Variants in HSD3B1 observed in about 807,000 individuals in gnomAD.
The protein encoded by HSD3B1 is hydroxy-delta-5-steroid dehydrogenase, 3 beta- and steroid delta-isomerase 1.
Under a neutral mutation model 10.4 loss-of-function variants are expected in HSD3B1, and 11 were observed. The ratio of observed to expected loss-of-function variants is 1.05; its 90% confidence interval spans 0.66 to 1.75. The LOEUF (loss-of-function observed/expected upper bound fraction) is 1.75, where lower values mean the gene tolerates loss of function less well. Among genes scored for constraint, HSD3B1 ranks in the 40% most tolerant of loss-of-function variants. The pLI is 0.00. For missense variants in HSD3B1, 490 were observed against 454.5 expected (o/e 1.08, Z -0.71); for synonymous variants, 217 against 185.4 (o/e 1.17, Z -1.39).
Position 119,514,204 on chromosome 1 carries a change from C to T in HSD3B1, c.681C>T (p.Gly227=), listed in dbSNP as rs1430869587. The stretch of plus-strand genomic sequence containing the variant: ...CCACTGTTAACCCAGTCTATGTTGG[C>T]AATGTGGCCTGGGCCCACATTCTGG... ...KFSTVNPVYV[G]NVAWAHILAL... is the part of the protein sequence containing the mutation. Residue 227 remains glycine (G), a synonymous_variant, in exon 4 of 4, where the codon GGC becomes GGT. Transcript: ENST00000369413. The T allele has an allele frequency of 1.9e-6, 3 of 1,613,890 alleles. No homozygotes were observed. Among genetic ancestry groups the T allele is most frequent in the Non-Finnish European group, 2.5e-6 (3 of 1,179,786 alleles).
In HSD3B1 at chr1:119,514,683, G is replaced by C. The variant is rs1475988003; in HGVS notation, c.*38G>C. The C allele has an allele frequency of 4.4e-6, 7 of 1,603,914 alleles. No homozygotes were observed. The highest frequency in any genetic ancestry group is 5.1e-6 in the Non-Finnish European group (6 of 1,174,360). ...AGAGATGTGCATGTGGGTATTGTTA[G>C]GAGATGTCATCAAGCTCCACCCTCC... is the stretch of plus-strand genomic sequence containing the variant. On this transcript the variant is annotated 3_prime_UTR_variant, in exon 4 of 4. Transcript: ENST00000369413.
intron 2 of HSD3B1, among the ~76,000 whole-genome samples, chr1:119,509,039 T>C (rs1653868474): frequency 1.3e-5 from 2 of 152,202 alleles, no homozygotes; most frequent in Admixed American, 1.3e-4. Flanking sequence ...GGGATCTGTA[T>C]GAAGATAAAA....
At chr1:119,511,870 A>G in intron 3 of HSD3B1, 2 of 571,610 alleles carry the variant, frequency 3.5e-6, no homozygotes, top group Non-Finnish European at 3.1e-6. Context: ...AGGGCAAGTA[A>G]CTTGTCCAAG....
intron 2 of HSD3B1, among the ~76,000 whole-genome samples, chr1:119,509,914 G>T (rs921593005): frequency 6.6e-6 from 1 of 152,194 alleles, no homozygotes; most frequent in Non-Finnish European, 1.5e-5. Context: ...TGCACCTGGT[G>T]TACAGGGTAC....
At chr1:119,507,825 T>C in intron 2 of HSD3B1, 1 of 525,584 alleles carries the variant, frequency 1.9e-6, no homozygotes, top group East Asian at 3.6e-5. Context: ...AGAGACTAGA[T>C]TCTGGCCCTG....
chr1:119,510,521 C>T (rs1167161351), intron 2 of HSD3B1, among the ~76,000 whole-genome samples: 1 of 151,918 alleles, frequency 6.6e-6, no homozygotes. Context: ...ATATCTCTCC[C>T]CTCCTCTGCT....
chr1:119,508,384 C>A lies in HSD3B1; in HGVS notation c.145+763C>A, dbSNP rs1377417151. Among the ~76,000 whole-genome samples the A allele has an allele frequency of 7.6e-3, 1,103 of 144,660 alleles. 8 individuals carry two copies. The highest frequency in any genetic ancestry group is 0.012 in the Non-Finnish European group (809 of 66,428). The allele number at this position is 144,660 out of a possible 152,430, so 94.9% of individuals were successfully genotyped here. On this transcript the variant is annotated intron_variant, in intron 2 of 3. Coordinates refer to ENST00000369413, the MANE Select transcript of HSD3B1 (RefSeq NM_000862.3). ...TGGCTTTTTTTTAAAAAAAAAAAAA[C>A]AAAACATTTACCTCTGTTGCTCATC...
chr1:119,511,985 G>C, intron 3 of HSD3B1: 1 of 302,998 alleles, frequency 3.3e-6, no homozygotes, highest in South Asian at 4.3e-5. Flanking sequence ...TTCTACTGTG[G>C]TTCCAATCAA....
chr1:119,513,656 G>A (rs960728260), intron 3 of HSD3B1, among the ~76,000 whole-genome samples, 178 bp from the exon 4 acceptor site: 1 of 152,022 alleles, frequency 6.6e-6, no homozygotes, highest in Non-Finnish European at 1.5e-5. Context: ...CTTCATTTTG[G>A]TATTTTTCTT....
intron 2 of HSD3B1, among the ~76,000 whole-genome samples, chr1:119,509,792 A>G (rs1453188808): frequency 6.6e-6 from 1 of 152,168 alleles, no homozygotes; most frequent in African/African-American, 2.4e-5. Context: ...TTCACTCTGA[A>G]TTTTGCTCTC....
chr1:119,514,273 A>G lies in HSD3B1; in HGVS notation c.750A>G (p.Arg250=). The G allele has an allele frequency of 1.2e-6, 2 of 1,614,112 alleles. No homozygotes were observed. The highest frequency in any genetic ancestry group is 1.7e-6 in the Non-Finnish European group (2 of 1,180,018). Residue 250 remains arginine, a synonymous_variant, in exon 4 of 4, where the codon CGA becomes CGG. Coordinates refer to ENST00000369413, the MANE Select transcript of HSD3B1 (RefSeq NM_000862.3). ...LQDPKKAPSI[R]GQFYYISDDT... Reference sequence around the variant, plus strand: ...ACCCCAAGAAGGCCCCAAGCATCCGAGGACAGTTCTACTATATCTCAGATG... The same window carrying G: ...ACCCCAAGAAGGCCCCAAGCATCCGGGGACAGTTCTACTATATCTCAGATG...
rs1366172179 is a variant in HSD3B1 at position 119,514,732 on chromosome 1, G to A, written c.*87G>A. On this transcript the variant is annotated 3_prime_UTR_variant, in exon 4 of 4. Transcript: ENST00000369413. ...CCTGGCCTCATACAGAAAGTGACAA[G>A]GGCACAAGCTCAGGTCCTGCTGCCT... 6.9e-7 allele frequency: 1 copy of A among 1,452,146 alleles called. No homozygotes were observed. The highest frequency in any genetic ancestry group is 1.4e-5 in the African/African-American group (1 of 71,274). 90.0% of individuals were successfully genotyped at this position (1,452,146 alleles called of 1,614,324 possible). A position where few individuals can be genotyped will look rare whatever the true frequency, so the allele number is the denominator to read the frequency against.
chr1:119,509,945 C>T (rs587756818), intron 2 of HSD3B1, among the ~76,000 whole-genome samples: 14 of 152,282 alleles, frequency 9.2e-5, no homozygotes, highest in African/African-American at 2.6e-4. Context: ...GCAGGGTGGG[C>T]GTGTTTAAGC....
At chr1:119,512,185 C>T (rs1419192132) in intron 3 of HSD3B1, among the ~76,000 whole-genome samples, 1 of 152,146 alleles carries the variant, frequency 6.6e-6, no homozygotes, top group Non-Finnish European at 1.5e-5. Context: ...AAAGCTGGTT[C>T]ACAAGGTCTG....
chr1:119,511,552 T>C lies in HSD3B1; in HGVS notation c.195T>C (p.Asp65=). The C allele has an allele frequency of 6.2e-7, 1 of 1,613,792 alleles. No homozygotes were observed. Among genetic ancestry groups the C allele is most frequent in the Non-Finnish European group, 8.5e-7 (1 of 1,179,778 alleles). Residue 65 remains aspartate (D), a synonymous_variant, in exon 3 of 4, where the codon GAT becomes GAC. Coordinates refer to ENST00000369413, the MANE Select transcript of HSD3B1 (RefSeq NM_000862.3). ...CAGTGCTGGAAGGAGACATTCTGGA[T>C]GAGCCATTCCTGAAGAGAGCCTGCC... ...KLTVLEGDIL[D]EPFLKRACQD...
At chr1:119,507,813 C>G (rs1653832037) in intron 2 of HSD3B1, 192 bp downstream of exon 2, 1 of 556,500 alleles carries the variant, frequency 1.8e-6, no homozygotes, top group Non-Finnish European at 3.1e-6. Flanking sequence ...GGTGGGATTT[C>G]CAGAGACTAG....
Position 119,514,511 on chromosome 1 carries a change from T to C in HSD3B1, c.988T>C (p.Ser330Pro). 1 of 1,614,000 alleles carries C rather than the reference T, an allele frequency of 6.2e-7. No homozygotes were observed. Among genetic ancestry groups the C allele is most frequent in the South Asian group, 1.1e-5 (1 of 91,078 alleles). ...ATTGTCAAATAGCGTATTCACCTTC[T>C]CTTATAAGAAGGCTCAGCGAGATCT... ...VTLSNSVFTF[S>P]YKKAQRDLAY... Residue 330 changes from serine to proline, a missense_variant, in exon 4 of 4, where the codon TCT (serine) becomes CCT (proline). By Grantham distance (74) the Ser-to-Pro change is moderately conservative (BLOSUM62 -1). Transcript: ENST00000369413.
At chr1:119,512,782 AT>A (rs1159227460) in intron 3 of HSD3B1, among the ~76,000 whole-genome samples, 1 of 152,132 alleles carries the variant, frequency 6.6e-6, no homozygotes, top group Non-Finnish European at 1.5e-5. Context: ...ATACTTCACA[AT>A]GTTGGTCATT....
At chr1:119,511,882 T>A (rs1653948921) in intron 3 of HSD3B1, 2 of 550,978 alleles carry the variant, frequency 3.6e-6, no homozygotes, top group Admixed American at 3.1e-5. Flanking sequence ...TTGTCCAAGG[T>A]CCCCCAGGTA....
Sources: gnomAD v4.1 joint callset for allele counts (sites outside exome capture counted in the v4.1 genomes callset) on GRCh38, gnomAD v4.1.1 for gene constraint, MANE v1.5 for transcripts, NCBI Gene and HGNC (gene_info 2026-07-23, HGNC 2026-07-21) for gene names.